ACLY: variants seen among roughly 807,000 people sequenced by gnomAD.
ACLY encodes ATP citrate lyase.
A neutral mutation model predicts 133.0 loss-of-function variants in ACLY; 41 were observed. The observed-to-expected ratio is 0.31, with a 90% CI of 0.24 to 0.40. ACLY has a LOEUF of 0.40. ACLY is among the 10% of genes least tolerant of loss of function. ACLY has a pLI of 1.00. For synonymous variants in ACLY, 495 were observed against 549.3 expected, an observed-to-expected ratio of 0.90 and a Z score of 1.38; for missense variants, 1,046 against 1,453.8, an observed-to-expected ratio of 0.72 and a Z score of 4.56.
intron 4 of ACLY, 133 bp downstream of exon 4, chr17:41,910,089 T>C: frequency 1.1e-6 from 1 of 872,838 alleles, no homozygotes; most frequent in Non-Finnish European, 1.8e-6. Context: ...CACCCTCAGA[T>C]CCTCAGTGCA....
At chr17:41,904,836 C>A (rs1555632288) in intron 9 of ACLY, 46 bp from the exon 10 acceptor site, 1 of 1,556,066 alleles carries the variant, frequency 6.4e-7, no homozygotes, top group Non-Finnish European at 8.9e-7. Flanking sequence ...CATAGGTAGA[C>A]TTGAGCATCT....
At chr17:41,871,143 C>T (rs1597964523) in intron 25 of ACLY, among the ~76,000 whole-genome samples, 1 of 152,328 alleles carries the variant, frequency 6.6e-6, no homozygotes, top group East Asian at 1.9e-4. Flanking sequence ...AGTTTTCCAT[C>T]TCATTTCAAC....
At chr17:41,919,509 C>T (rs1169360443), upstream of ACLY, among the ~76,000 whole-genome samples, 2 of 152,220 alleles carry the variant, frequency 1.3e-5, no homozygotes, top group Non-Finnish European at 2.9e-5. Flanking sequence ...GGACTCTCCC[C>T]ACTGGGCCGA....
At chr17:41,885,138 C>A (rs549894872) in intron 18 of ACLY, among the ~76,000 whole-genome samples, 1 of 151,916 alleles carries the variant, frequency 6.6e-6, no homozygotes, top group African/African-American at 2.4e-5. Flanking sequence ...CCTCAGCCCC[C>A]CAAAGTGCTG....
intron 20 of ACLY, among the ~76,000 whole-genome samples, chr17:41,879,413 CTTTT>C (rs1190398954): frequency 7.8e-6 from 1 of 128,840 alleles, no homozygotes; most frequent in Admixed American, 7.9e-5. Context: ...CCCCCCCCGC[CTTTT>C]TTTTTTTTTT....
chr17:41,882,621 T>G (rs2048949167), intron 20 of ACLY, among the ~76,000 whole-genome samples: 2 of 152,052 alleles, frequency 1.3e-5, no homozygotes, highest in South Asian at 4.2e-4. Flanking sequence ...GGAGTGTTTA[T>G]ATTCAACACC....
intron 25 of ACLY, among the ~76,000 whole-genome samples, chr17:41,870,962 G>A (rs1305600005): frequency 6.6e-6 from 1 of 152,210 alleles, no homozygotes; most frequent in Non-Finnish European, 1.5e-5. Flanking sequence ...ACCCTCAGTG[G>A]ATGTAGTGTG....
chr17:41,912,608 C>T, intron 2 of ACLY, 66 bp from the exon 3 acceptor site: 1 of 1,594,912 alleles, frequency 6.3e-7, no homozygotes, highest in South Asian at 1.1e-5. Context: ...TTTTGGGGAT[C>T]CAAATAGAGG....
At chr17:41,921,938 G>A (rs2050188360), upstream of ACLY, among the ~76,000 whole-genome samples, 1 of 152,174 alleles carries the variant, frequency 6.6e-6, no homozygotes, top group Non-Finnish European at 1.5e-5. Flanking sequence ...GCTCGAGCCT[G>A]TAATCCCAGC....
chr17:41,890,096 A>T (rs1346961452), intron 16 of ACLY, among the ~76,000 whole-genome samples: 1 of 152,238 alleles, frequency 6.6e-6, no homozygotes, highest in Non-Finnish European at 1.5e-5. Context: ...AGCAAAAGTG[A>T]TGCTGCCAGT....
chr17:41,879,347 C>A (rs2048844203), intron 20 of ACLY, among the ~76,000 whole-genome samples: 1 of 151,322 alleles, frequency 6.6e-6, no homozygotes, highest in Non-Finnish European at 1.5e-5. Flanking sequence ...CTCAGGTGAT[C>A]CACCAGCCTC....
chr17:41,869,198 A>C (rs917003884), intron 26 of ACLY, 73 bp from the exon 27 acceptor site: 120 of 1,346,692 alleles, frequency 8.9e-5, no homozygotes, highest in Non-Finnish European at 1.2e-4. Flanking sequence ...CACTGTCACT[A>C]CTATTACTAC....
At chr17:41,873,515 C>T (rs74252722) in intron 23 of ACLY, among the ~76,000 whole-genome samples, 7,764 of 152,210 alleles carry the variant, frequency 0.051, 241 homozygotes, top group East Asian at 0.11. Flanking sequence ...GCAGCTCCAC[C>T]AGGCCCACAC....
At chr17:41,909,420 G>A in intron 5 of ACLY, 90 bp downstream of exon 5, 1 of 1,434,436 alleles carries the variant, frequency 7.0e-7, no homozygotes. Flanking sequence ...CTCCCAGAGA[G>A]GAGACCGCTC....
intron 14 of ACLY, among the ~76,000 whole-genome samples, chr17:41,894,216 CAAAA>C (rs58375126): frequency 3.9e-5 from 4 of 102,682 alleles, no homozygotes; most frequent in Non-Finnish European, 4.0e-5. Context: ...GACTCCATCT[CAAAA>C]AAAAAAAAAA....
At chr17:41,875,977 T>C (rs370523201) in intron 22 of ACLY, among the ~76,000 whole-genome samples, 3 of 138,660 alleles carry the variant, frequency 2.2e-5, no homozygotes, top group Non-Finnish European at 4.7e-5. Context: ...GCCCGGCCGC[T>C]ATCCCATCTA....
At chr17:41,927,187 C>A (rs1423217409) in intron 1 of ACLY, among the ~76,000 whole-genome samples, 1 of 152,270 alleles carries the variant, frequency 6.6e-6, no homozygotes, top group South Asian at 2.1e-4. Context: ...AGTTTTAATA[C>A]ATGTATATAC....
chr17:41,873,984 G>A lies in ACLY; in HGVS notation c.2488-19C>T. ...CAAGCTCCTGGGCAGAGATGGGGAA[G>A]AGGGAAGCAGGGCCCTGGTGACCAC... On this transcript the variant is annotated intron_variant, in intron 22 of 28. Coordinates refer to ENST00000352035, the MANE Select transcript of ACLY (RefSeq NM_001096.3). 1 of 1,577,600 alleles carries A rather than the reference G, an allele frequency of 6.3e-7. No homozygotes were observed. Among genetic ancestry groups the A allele is most frequent in the Non-Finnish European group, 8.7e-7 (1 of 1,155,142 alleles).
chr17:41,869,034 A>G lies in ACLY; in HGVS notation c.3134+9T>C, dbSNP rs782394777. 22 of 1,606,762 alleles carry G rather than the reference A, an allele frequency of 1.4e-5. No homozygotes were observed. The highest frequency in any genetic ancestry group is 2.7e-5 in the African/African-American group (2 of 74,678). On this transcript the variant is annotated intron_variant, in intron 27 of 28. Coordinates refer to ENST00000352035, the MANE Select transcript of ACLY (RefSeq NM_001096.3). ...ACGTAATGAAGAAGAAAACAGCTAC[A>G]ATGCTCACCGAGTAAAGGACCCACA...
Sources: allele counts gnomAD v4.1 joint callset (sites outside exome capture counted in the v4.1 genomes callset), GRCh38; gene constraint gnomAD v4.1.1; transcripts MANE v1.5; gene names NCBI Gene and HGNC (gene_info 2026-07-23, HGNC 2026-07-21).